The following SLC25A26 variants were observed in gnomAD, a reference collection of about 807,000 sequenced individuals.
The protein encoded by SLC25A26 is mitochondrial S-adenosylmethionine carrier protein.
In SLC25A26, 36 loss-of-function variants were observed where a neutral mutation model predicts 37.8. That is an observed-to-expected ratio of 0.95 (90% CI 0.73 to 1.26). SLC25A26 has a LOEUF of 1.26. Among genes scored for constraint, SLC25A26 ranks in the 50% most tolerant of loss-of-function variants. SLC25A26 has a pLI of 0.00. For synonymous variants in SLC25A26, 129 were observed against 122.5 expected, an observed-to-expected ratio of 1.05 and a Z score of -0.35; for missense variants, 390 against 331.1, an observed-to-expected ratio of 1.18 and a Z score of -1.38.
At chr3:66,359,610 G>C (rs1162052276) in intron 6 of SLC25A26, among the ~76,000 whole-genome samples, 1 of 151,802 alleles carries the variant, frequency 6.6e-6, no homozygotes, top group East Asian at 2.0e-4. Context: ...AGTTGGTGAA[G>C]TAAATGTTGG....
intron 1 of SLC25A26, among the ~76,000 whole-genome samples, chr3:66,175,138 T>TACAC (rs1448126196): frequency 1.6e-5 from 1 of 64,274 alleles, no homozygotes; most frequent in Admixed American, 1.4e-4. Context: ...TATATATATA[T>TACAC]ATACACACAC....
At chr3:66,332,077 G>C (rs531761677) in intron 5 of SLC25A26, among the ~76,000 whole-genome samples, 6 of 152,042 alleles carry the variant, frequency 3.9e-5, no homozygotes, top group African/African-American at 1.4e-4. Context: ...GATTACAGGT[G>C]CGCGACACCA....
intron 1 of SLC25A26, among the ~76,000 whole-genome samples, chr3:66,200,472 T>G (rs1302674248): frequency 6.6e-6 from 1 of 152,230 alleles, no homozygotes; most frequent in African/African-American, 2.4e-5. Context: ...GCCATCACAA[T>G]GGATCCTTTT....
chr3:66,318,660 A>AT (rs1362096805), intron 5 of SLC25A26, among the ~76,000 whole-genome samples: 4 of 146,280 alleles, frequency 2.7e-5, no homozygotes, highest in East Asian at 2.0e-4. Context: ...TAAAAAAAAA[A>AT]TTTTTTTTTG....
intron 5 of SLC25A26, among the ~76,000 whole-genome samples, chr3:66,334,505 A>G (rs1444430414): frequency 1.3e-5 from 2 of 151,908 alleles, no homozygotes; most frequent in Non-Finnish European, 1.5e-5. Flanking sequence ...TAGTAGAGAC[A>G]AGATTTTGCT....
chr3:66,352,995 C>G (rs332338), intron 6 of SLC25A26, among the ~76,000 whole-genome samples: 1 of 152,080 alleles, frequency 6.6e-6, no homozygotes, highest in Non-Finnish European at 1.5e-5. Context: ...TAATTATTTA[C>G]GACATCAGTG....
At chr3:66,221,192 G>C in intron 1 of SLC25A26, 65 bp downstream of exon 1, 1 of 1,450,680 alleles carries the variant, frequency 6.9e-7, no homozygotes, top group African/African-American at 1.5e-5. Context: ...GCCCGCGGGC[G>C]TTCTCTGCAC....
At chr3:66,155,273 G>GGT (rs2070265640) in intron 1 of SLC25A26, among the ~76,000 whole-genome samples, 1 of 152,224 alleles carries the variant, frequency 6.6e-6, no homozygotes, top group South Asian at 2.1e-4. Context: ...ACTTTGGGAG[G>GGT]CCAAAGCAGG....
rs2075017729 is a variant in SLC25A26, at chr3:66,299,765, TTGAC to T, written c.453+36389_453+36392del. On this transcript the variant is annotated intron_variant, in intron 5 of 9. Transcript: ENST00000354883. ...GTTTTTTATTAAACGTCTTGATTGTTTGACTGTCATGGTTGTTTGTATAACTCCT... is the reference window on the plus strand; with the variant it reads ...GTTTTTTATTAAACGTCTTGATTGTTTGTCATGGTTGTTTGTATAACTCCT... Among the ~76,000 whole-genome samples the T allele has an allele frequency of 2.0e-5, 3 of 151,832 alleles. No individual in the cohort carries two copies. The South Asian group carries it at 6.3e-4, about 32-fold the overall frequency.
intron 1 of SLC25A26, among the ~76,000 whole-genome samples, chr3:66,185,385 T>C (rs2070805947): frequency 1.3e-5 from 2 of 152,264 alleles, no homozygotes; most frequent in African/African-American, 2.4e-5. Flanking sequence ...ACCTTTTGCC[T>C]GTTGTGAATA....
chr3:66,147,854 G>T (rs2070143264), intron 1 of SLC25A26, among the ~76,000 whole-genome samples: 1 of 152,070 alleles, frequency 6.6e-6, no homozygotes, highest in Admixed American at 6.6e-5. Context: ...CGCCTCCTGG[G>T]TTCAAGCCAT....
At chr3:66,347,846 G>A (rs1294508155) in intron 6 of SLC25A26, among the ~76,000 whole-genome samples, 2 of 152,136 alleles carry the variant, frequency 1.3e-5, no homozygotes, top group African/African-American at 4.8e-5. Flanking sequence ...GGAGCTGGAA[G>A]CCATTATCCT....
At chr3:66,209,641 A>ATT in intron 1 of SLC25A26, among the ~76,000 whole-genome samples, 1 of 139,714 alleles carries the variant, frequency 7.2e-6, no homozygotes, top group Non-Finnish European at 1.5e-5. Flanking sequence ...TTATATATAT[A>ATT]TACCTTTTAT....
chr3:66,285,324 T>C (rs2074474477), intron 5 of SLC25A26, among the ~76,000 whole-genome samples: 1 of 151,746 alleles, frequency 6.6e-6, no homozygotes, highest in Admixed American at 6.6e-5. Flanking sequence ...AAGGGGATTT[T>C]TGCTATGTGA....
At chr3:66,314,997 A>G (rs953124461) in intron 5 of SLC25A26, among the ~76,000 whole-genome samples, 7 of 148,088 alleles carry the variant, frequency 4.7e-5, no homozygotes, top group Non-Finnish European at 6.0e-5. Context: ...TATTGTGTCT[A>G]TTTGATTCTT....
At chr3:66,371,079 T>C in intron 9 of SLC25A26, 1 of 1,372,256 alleles carries the variant, frequency 7.3e-7, no homozygotes, top group Non-Finnish European at 9.4e-7. Flanking sequence ...GCCTCAGACT[T>C]CTAGCTTCAT....
intron 5 of SLC25A26, among the ~76,000 whole-genome samples, chr3:66,345,085 CCTTA>C (rs1291930611): frequency 6.6e-6 from 1 of 152,116 alleles, no homozygotes. Flanking sequence ...TAGTTCTAGC[CCTTA>C]CTGTTAGACA....
At chr3:66,215,377 T>G (rs902866548) in intron 1 of SLC25A26, among the ~76,000 whole-genome samples, 164 of 152,194 alleles carry the variant, frequency 1.1e-3, no homozygotes, top group African/African-American at 3.8e-3. Context: ...ATTATTTTAT[T>G]TTTTGTAGAA....
chr3:66,139,865 A>G (rs981854840), intron 1 of SLC25A26, among the ~76,000 whole-genome samples: 1 of 152,232 alleles, frequency 6.6e-6, no homozygotes, highest in African/African-American at 2.4e-5. Context: ...TTATTGAATG[A>G]TGAGAGCATA....
Sources: gnomAD v4.1 joint callset for allele counts (sites outside exome capture counted in the v4.1 genomes callset) on GRCh38, gnomAD v4.1.1 for gene constraint, MANE v1.5 for transcripts, NCBI Gene and HGNC (gene_info 2026-07-23, HGNC 2026-07-21) for gene names.